The following FBXO15 variants were observed in gnomAD, a reference collection of about 807,000 sequenced individuals.
FBXO15 encodes the protein F-box only protein 15.
A neutral mutation model predicts 49.5 loss-of-function variants in FBXO15; 30 were observed. That is an observed-to-expected ratio of 0.61 (90% confidence interval 0.45 to 0.82). The LOEUF (loss-of-function observed/expected upper bound fraction) is 0.82. Among genes scored for constraint, FBXO15 ranks in the 40% least tolerant of loss-of-function variants. The pLI is 0.00. For missense variants in FBXO15, 591 were observed against 631.5 expected, an observed-to-expected ratio of 0.94 and a Z score of 0.69; for synonymous variants, 250 against 232.7, an observed-to-expected ratio of 1.07 and a Z score of -0.68.
At chr18:74,129,858 G>C (rs17088802) in intron 4 of FBXO15, among the ~76,000 whole-genome samples, 13,238 of 152,108 alleles carry the variant, frequency 0.087, 817 homozygotes, top group Admixed American at 0.2. Flanking sequence ...TAAGACAAAG[G>C]TTCTGCCCAG....
intron 3 of FBXO15, among the ~76,000 whole-genome samples, chr18:74,134,871 C>G (rs147752468): frequency 2.2e-4 from 34 of 152,286 alleles, no homozygotes; most frequent in African/African-American, 7.2e-4. Flanking sequence ...CTGCCACTCT[C>G]CGTCTCCTTA....
intron 4 of FBXO15, 150 bp downstream of exon 4, chr18:74,130,266 G>T: frequency 1.8e-6 from 2 of 1,097,914 alleles, no homozygotes; most frequent in Non-Finnish European, 2.5e-6. Flanking sequence ...AGAAGGCTAT[G>T]CGGAATAGGA....
At chr18:74,096,404 G>A (rs894931463) in intron 8 of FBXO15, among the ~76,000 whole-genome samples, 2 of 151,830 alleles carry the variant, frequency 1.3e-5, no homozygotes, top group Non-Finnish European at 2.9e-5. Flanking sequence ...CTGCATCTGA[G>A]ACAAGTAGTA....
At chr18:74,091,633 T>C (rs1400138412) in intron 8 of FBXO15, among the ~76,000 whole-genome samples, 1 of 152,212 alleles carries the variant, frequency 6.6e-6, no homozygotes, top group Non-Finnish European at 1.5e-5. Context: ...CTTATTTCTC[T>C]TTCCCTTATG....
chr18:74,079,814 G>C (rs1341157249), intron 9 of FBXO15, among the ~76,000 whole-genome samples: 2 of 152,128 alleles, frequency 1.3e-5, no homozygotes, highest in Non-Finnish European at 2.9e-5. Context: ...ATTCTCATGG[G>C]AACAGCAGGT....
chr18:74,081,988 A>G lies in FBXO15; in HGVS notation c.1202T>C (p.Leu401Pro), dbSNP rs780542216. The G allele has an allele frequency of 9.9e-6, 16 of 1,612,868 alleles. No homozygotes were observed. The Admixed American group carries it at 2.7e-4, about 27-fold the overall frequency. Residue 401 changes from leucine (L) to proline (P), a missense_variant, in exon 9 of 10, where the codon CTA becomes CCA. By Grantham distance (98) the Leu-to-Pro change is moderately conservative. Transcript: ENST00000419743. ...VIHLKNNREH[L>P]PLIGKVGLSW... ...GAGGCCAACTTTTCCAATAAGAGGTAGGTGTTCTCTGTTATTTTTTAAATG... is the reference window on the plus strand; with the variant it reads ...GAGGCCAACTTTTCCAATAAGAGGTGGGTGTTCTCTGTTATTTTTTAAATG...
intron 2 of FBXO15, among the ~76,000 whole-genome samples, chr18:74,138,217 T>A (rs1978841881): frequency 6.6e-6 from 1 of 152,106 alleles, no homozygotes; most frequent in Non-Finnish European, 1.5e-5. Flanking sequence ...AACAAAACAC[T>A]TGTCTACACC....
intron 8 of FBXO15, among the ~76,000 whole-genome samples, chr18:74,117,971 G>A (rs1042157644): frequency 4.6e-5 from 7 of 151,298 alleles, no homozygotes; most frequent in Admixed American, 2.6e-4. Flanking sequence ...TTCTACATGC[G>A]TATGGATCCC....
In FBXO15 at chr18:74,135,857, T is replaced by C. The variant is rs150185959; in HGVS notation, c.237A>G (p.Ser79=). The C allele has an allele frequency of 1.2e-5, 19 of 1,610,788 alleles. No homozygotes were observed. Among genetic ancestry groups the C allele is most frequent in the Non-Finnish European group, 1.4e-5 (17 of 1,179,294 alleles). Residue 79 remains serine, a synonymous_variant, in exon 3 of 10, where the codon TCA becomes TCG. Transcript: ENST00000419743. ...AGGAAAATATCTTCAGCAAGATTTC[T>C]GAAGGCATTCTGCAAAAACAGAAAA... The part of the protein sequence containing the change: ...CCSGFLDGMP[S]EILLKIFSYL...
chr18:74,119,631 C>T (rs1292394166), intron 8 of FBXO15, among the ~76,000 whole-genome samples: 1 of 152,058 alleles, frequency 6.6e-6, no homozygotes, highest in East Asian at 1.9e-4. Context: ...ACGCTAAGAT[C>T]TGGGGCAGTA....
intron 8 of FBXO15, chr18:74,097,081 G>C (rs951522180): frequency 1.3e-5 from 2 of 152,306 alleles, no homozygotes; most frequent in Admixed American, 6.5e-5. Flanking sequence ...GAAAAGCCCT[G>C]TGGGCTCTCT....
intron 8 of FBXO15, among the ~76,000 whole-genome samples, chr18:74,093,265 G>GA (rs201005807): frequency 1.5e-5 from 2 of 130,090 alleles, no homozygotes; most frequent in Non-Finnish European, 3.2e-5. Context: ...CAAAACAATG[G>GA]GGGGGGGGTG....
chr18:74,073,967 A>G (rs1912151201), intron 9 of FBXO15, among the ~76,000 whole-genome samples: 1 of 152,212 alleles, frequency 6.6e-6, no homozygotes, highest in Non-Finnish European at 1.5e-5. Context: ...GGCTCAGTTT[A>G]GGACTTAGCA....
intron 8 of FBXO15, among the ~76,000 whole-genome samples, chr18:74,101,558 C>G (rs1355931720): frequency 6.6e-6 from 1 of 152,084 alleles, no homozygotes; most frequent in East Asian, 1.9e-4. Flanking sequence ...TCTATAAATT[C>G]AATACAATTC....
At chr18:74,134,586 T>C (rs1277156897) in intron 3 of FBXO15, among the ~76,000 whole-genome samples, 2 of 152,016 alleles carry the variant, frequency 1.3e-5, no homozygotes, top group East Asian at 1.9e-4. Context: ...GCCAGGATGG[T>C]CTCGATCTCC....
intron 6 of FBXO15, among the ~76,000 whole-genome samples, chr18:74,125,296 G>C (rs1212422109): frequency 6.6e-6 from 1 of 152,224 alleles, no homozygotes; most frequent in East Asian, 1.9e-4. Context: ...ACACAGAAAG[G>C]GGAGGAGGGA....
At chr18:74,143,435 A>G (rs1282384980) in intron 1 of FBXO15, among the ~76,000 whole-genome samples, 1 of 152,206 alleles carries the variant, frequency 6.6e-6, no homozygotes, top group Non-Finnish European at 1.5e-5. Context: ...TACTGCCCGT[A>G]AGACAAGATA....
intron 2 of FBXO15, among the ~76,000 whole-genome samples, chr18:74,137,518 C>A (rs1458143121): frequency 5.9e-5 from 9 of 152,204 alleles, no homozygotes; most frequent in African/African-American, 2.2e-4. Flanking sequence ...TTCCTCCCCA[C>A]TGGACTAACC....
Position 74,096,929 on chromosome 18 carries a change from G to C in FBXO15, c.1139-14878C>G, listed in dbSNP as rs531418772. On this transcript the variant is annotated intron_variant, in intron 8 of 9. Coordinates refer to ENST00000419743, the MANE Select transcript of FBXO15 (RefSeq NM_001142958.2). ...ACCCAAGCTATGGAAGTAGGAAAGAGGAATCACCCACCCCGAAAACACACC... is the reference window on the plus strand; with the variant it reads ...ACCCAAGCTATGGAAGTAGGAAAGACGAATCACCCACCCCGAAAACACACC... The C allele has an allele frequency of 2.0e-5, 3 of 152,444 alleles. 1 individual carries two copies. The South Asian group carries it at 6.2e-4, about 32-fold the overall frequency. The allele number at this position is 152,444 out of a possible 1,614,324, so 9.4% of individuals were successfully genotyped here.
Sources: gnomAD v4.1 joint callset for allele counts (sites outside exome capture counted in the v4.1 genomes callset) on GRCh38, gnomAD v4.1.1 for gene constraint, MANE v1.5 for transcripts, NCBI Gene and HGNC (gene_info 2026-07-23, HGNC 2026-07-21) for gene names.